The following ELAVL2 variants were observed in gnomAD, a reference collection of about 807,000 sequenced individuals.
ELAVL2 encodes ELAV like RNA binding protein 2.
A neutral mutation model predicts 34.6 loss-of-function variants in ELAVL2; 4 were observed. The observed-to-expected ratio is 0.12, with a 90% CI of 0.06 to 0.26. The LOEUF is 0.26. ELAVL2 is among the 10% of genes least tolerant of loss of function. The probability of loss-of-function intolerance (pLI) is 1.00; values close to 1 mark genes in which losing one functional copy is unlikely to be tolerated. For missense variants in ELAVL2, 432 were observed against 442.8 expected (o/e 0.98, Z 0.22); for synonymous variants, 193 against 154.8 (o/e 1.25, Z -1.83).
At chr9:23,819,646 G>GA (rs1443252067) in intron 1 of ELAVL2, among the ~76,000 whole-genome samples, 1 of 151,880 alleles carries the variant, frequency 6.6e-6, no homozygotes, top group South Asian at 2.1e-4. Context: ...TTCAAAGGAA[G>GA]AAAAAAACAA....
At chr9:23,720,659 T>C (rs927026515) in intron 3 of ELAVL2, among the ~76,000 whole-genome samples, 1 of 152,188 alleles carries the variant, frequency 6.6e-6, no homozygotes, top group Non-Finnish European at 1.5e-5. Flanking sequence ...ACTATATTCA[T>C]TAAAAACACA....
intron 1 of ELAVL2, among the ~76,000 whole-genome samples, chr9:23,779,526 G>C (rs2058748245): frequency 6.6e-6 from 1 of 152,102 alleles, no homozygotes; most frequent in African/African-American, 2.4e-5. Context: ...TGCCTCCAAA[G>C]CTGCTATTTT....
At chr9:23,738,194 G>A (rs1368275439) in intron 2 of ELAVL2, among the ~76,000 whole-genome samples, 1 of 152,190 alleles carries the variant, frequency 6.6e-6, no homozygotes, top group East Asian at 1.9e-4. Flanking sequence ...TAATATCTCA[G>A]ATCTGATACA....
chr9:23,781,668 C>T (rs1588449424), intron 1 of ELAVL2, among the ~76,000 whole-genome samples: 1 of 151,800 alleles, frequency 6.6e-6, no homozygotes, highest in East Asian at 1.9e-4. Context: ...GTACACACCA[C>T]CACACCCCGC....
intron 2 of ELAVL2, among the ~76,000 whole-genome samples, chr9:23,760,282 G>T (rs1373019194): frequency 6.6e-6 from 1 of 151,944 alleles, no homozygotes; most frequent in Non-Finnish European, 1.5e-5. Flanking sequence ...ATGATAAAAT[G>T]TATCATTTCG....
At chr9:23,744,051 C>T (rs999296522) in intron 2 of ELAVL2, among the ~76,000 whole-genome samples, 3 of 152,130 alleles carry the variant, frequency 2.0e-5, no homozygotes, top group African/African-American at 4.8e-5. Context: ...CATCTTATTA[C>T]CACAAAGGGG....
At chr9:23,797,522 C>A (rs2061080329) in intron 1 of ELAVL2, among the ~76,000 whole-genome samples, 1 of 152,096 alleles carries the variant, frequency 6.6e-6, no homozygotes, top group Admixed American at 6.6e-5. Context: ...GCAGGAGGGG[C>A]ATGGGTGGTA....
chr9:23,720,346 G>A (rs1220238895), intron 3 of ELAVL2, among the ~76,000 whole-genome samples: 2 of 151,556 alleles, frequency 1.3e-5, no homozygotes, highest in African/African-American at 4.8e-5. Flanking sequence ...GCTAATTTTT[G>A]TACTTTTTAG....
At chr9:23,705,602 G>C (rs1267309085) in intron 3 of ELAVL2, among the ~76,000 whole-genome samples, 4 of 152,206 alleles carry the variant, frequency 2.6e-5, no homozygotes, top group African/African-American at 9.6e-5. Context: ...GACTGGTTTT[G>C]TGGAAGACAA....
chr9:23,731,083 T>C lies in ELAVL2; in HGVS notation c.272A>G (p.Lys91Arg), dbSNP rs1266933047. ...GGTGTTGATAGCTTTCTCTGCATCCTTGGGGTCAATGTAGTTCACAAAGCC... is the reference window on the plus strand; with the variant it reads ...GGTGTTGATAGCTTTCTCTGCATCCCTGGGGTCAATGTAGTTCACAAAGCC... ...GYGFVNYIDP[K>R]DAEKAINTLN... Residue 91 changes from lysine to arginine, a missense_variant, in exon 3 of 7, where the codon AAG (lysine) becomes AGG (arginine). By Grantham distance (26) the Lys-to-Arg change is conservative. Around this residue, in one of 3 missense-constraint regions of ELAVL2, gnomAD observed 132 missense variants for 118.3 expected, o/e 1.12. Coordinates refer to ENST00000397312, the MANE Select transcript of ELAVL2 (RefSeq NM_004432.5). 30 of 1,613,168 alleles carry C rather than the reference T, an allele frequency of 1.9e-5. No homozygotes were observed. The Admixed American group carries it at 4.5e-4, about 24-fold the overall frequency.
chr9:23,736,494 G>C (rs1372817824), intron 2 of ELAVL2, among the ~76,000 whole-genome samples: 1 of 152,100 alleles, frequency 6.6e-6, no homozygotes, highest in Non-Finnish European at 1.5e-5. Context: ...GAGGGGAGGA[G>C]CAGGGCTGCT....
intron 1 of ELAVL2, among the ~76,000 whole-genome samples, chr9:23,772,617 T>TA (rs1252752810): frequency 7.8e-6 from 1 of 127,984 alleles, no homozygotes; most frequent in African/African-American, 3.0e-5. Flanking sequence ...AGGCTACAAA[T>TA]AAAGGGATGC....
chr9:23,713,397 C>T (rs1257824883), intron 3 of ELAVL2, among the ~76,000 whole-genome samples: 1 of 152,122 alleles, frequency 6.6e-6, no homozygotes, highest in Non-Finnish European at 1.5e-5. Flanking sequence ...AGTAGGCTAG[C>T]CATTCCAAGT....
At chr9:23,800,064 C>T (rs1010910258) in intron 1 of ELAVL2, among the ~76,000 whole-genome samples, 2 of 152,132 alleles carry the variant, frequency 1.3e-5, no homozygotes, top group Non-Finnish European at 2.9e-5. Flanking sequence ...CAATATTTCT[C>T]CTAAAATAAC....
intron 2 of ELAVL2, among the ~76,000 whole-genome samples, chr9:23,751,911 C>G (rs375901698): frequency 5.3e-5 from 8 of 152,292 alleles, no homozygotes; most frequent in African/African-American, 1.9e-4. Flanking sequence ...TCTGGGCTCC[C>G]AAGTCCTGCC....
Position 23,825,828 on chromosome 9 carries a change from G to A in ELAVL2, c.-38C>T, listed in dbSNP as rs2065262989. ...TACCTTTCTCCCTTAAGGTTTTTGT[G>A]TATGTGTGTTTTTAAAGTAACGGTG... On this transcript the variant is annotated 5_prime_UTR_variant, in exon 1 of 7. Coordinates refer to ENST00000397312, the MANE Select transcript of ELAVL2 (RefSeq NM_004432.5). The A allele has an allele frequency of 6.6e-6, 1 of 152,212 alleles. No individual in the cohort carries two copies. The highest frequency in any genetic ancestry group is 2.4e-5 in the African/African-American group (1 of 41,456). 9.4% of individuals were successfully genotyped at this position (152,212 alleles called of 1,614,324 possible).
chr9:23,762,051 T>C lies in ELAVL2; in HGVS notation c.184A>G (p.Ile62Val), dbSNP rs771757755. Residue 62 changes from isoleucine to valine, a missense_variant, in exon 2 of 7, where the codon ATT becomes GTT. Ile to Val is a conservative substitution (Grantham distance 29, BLOSUM62 3). Transcript: ENST00000397312. ...AGCTTACAGGACTCTATTTCACCAA[T>C]GCTCCCAAAGAGACTCTTTAGTTCC... ...QEELKSLFGS[I>V]GEIESCKLVR... The C allele has an allele frequency of 1.1e-5, 18 of 1,613,204 alleles. No homozygotes were observed. The highest frequency in any genetic ancestry group is 1.4e-5 in the Non-Finnish European group (16 of 1,179,504).
At chr9:23,823,685 A>G (rs2065097898) in intron 1 of ELAVL2, among the ~76,000 whole-genome samples, 1 of 152,222 alleles carries the variant, frequency 6.6e-6, no homozygotes, top group Admixed American at 6.5e-5. Flanking sequence ...CAGATGTCCC[A>G]TTTAAGAAGC....
chr9:23,721,592 CAG>C (rs1262329885), intron 3 of ELAVL2, among the ~76,000 whole-genome samples: 2 of 152,158 alleles, frequency 1.3e-5, no homozygotes, highest in African/African-American at 4.8e-5. Context: ...AGGCAAGTAT[CAG>C]ATTTCCTGTA....
Sources: gnomAD v4.1 joint callset for allele counts (sites outside exome capture counted in the v4.1 genomes callset) on GRCh38, gnomAD v4.1.1 for gene constraint, gnomAD v4.1.1 regional missense constraint, MANE v1.5 for transcripts, NCBI Gene and HGNC (gene_info 2026-07-23, HGNC 2026-07-21) for gene names.